Variants in ULK4 observed in about 807,000 individuals in gnomAD.
ULK4 encodes unc-51 like kinase 4.
A neutral mutation model predicts 160.6 loss-of-function variants in ULK4; 133 were observed. That is an observed-to-expected ratio of 0.83 (90% CI 0.72 to 0.96). The LOEUF (loss-of-function observed/expected upper bound fraction) is 0.96. ULK4 is among the 40% of genes least tolerant of loss of function. The probability of loss-of-function intolerance (pLI) is 0.00; values close to 1 mark genes in which losing one functional copy is unlikely to be tolerated. For synonymous variants in ULK4, 534 were observed against 539.8 expected, an observed-to-expected ratio of 0.99 and a Z score of 0.15; for missense variants, 1,580 against 1,499.5, an observed-to-expected ratio of 1.05 and a Z score of -0.89.
chr3:41,502,267 C>A (rs2085237188), intron 32 of ULK4, among the ~76,000 whole-genome samples: 1 of 152,176 alleles, frequency 6.6e-6, no homozygotes, highest in African/African-American at 2.4e-5. Flanking sequence ...TGTTAAGGAA[C>A]CACTATACTG....
At chr3:41,607,822 A>C (rs2032451409) in intron 31 of ULK4, among the ~76,000 whole-genome samples, 1 of 152,236 alleles carries the variant, frequency 6.6e-6, no homozygotes, top group African/African-American at 2.4e-5. Flanking sequence ...CTGCATGCAC[A>C]CTTAGGAACA....
chr3:41,525,914 T>C (rs1012040125), intron 32 of ULK4, among the ~76,000 whole-genome samples: 34 of 152,252 alleles, frequency 2.2e-4, no homozygotes, highest in African/African-American at 8.2e-4. Context: ...TGTCATTTTG[T>C]GTGACTACCT....
intron 35 of ULK4, among the ~76,000 whole-genome samples, chr3:41,339,592 T>G (rs534474637): frequency 2.0e-5 from 3 of 152,286 alleles, no homozygotes; most frequent in East Asian, 1.9e-4. Context: ...TCTCAAAGTC[T>G]GCTTGTGAAG....
intron 31 of ULK4, among the ~76,000 whole-genome samples, chr3:41,589,457 A>C (rs1211965690): frequency 7.1e-6 from 1 of 139,926 alleles, no homozygotes; most frequent in African/African-American, 2.7e-5. Context: ...AAAAATCCTA[A>C]GAAATGAGTT....
chr3:41,342,565 T>G (rs995784918), intron 35 of ULK4, among the ~76,000 whole-genome samples: 6 of 152,176 alleles, frequency 3.9e-5, no homozygotes, highest in Non-Finnish European at 8.8e-5. Context: ...CAGGACCAGA[T>G]AGATTCACAG....
intron 34 of ULK4, among the ~76,000 whole-genome samples, chr3:41,434,719 AT>A (rs1408846801): frequency 2.6e-5 from 4 of 152,204 alleles, no homozygotes; most frequent in Admixed American, 2.6e-4. Context: ...TGACCAATTC[AT>A]TTTTCATTTA....
At chr3:41,772,221 A>G (rs1339858727) in intron 21 of ULK4, among the ~76,000 whole-genome samples, 4 of 152,232 alleles carry the variant, frequency 2.6e-5, no homozygotes, top group Admixed American at 2.6e-4. Flanking sequence ...CTATGATCAG[A>G]GCAGAACTGA....
chr3:41,252,436 G>T (rs1425598980), intron 35 of ULK4, among the ~76,000 whole-genome samples: 1 of 151,956 alleles, frequency 6.6e-6, no homozygotes, highest in East Asian at 1.9e-4. Context: ...GGAGAATATA[G>T]CAAAGAAGAA....
chr3:41,517,229 G>GT (rs2085780285), intron 32 of ULK4, among the ~76,000 whole-genome samples: 1 of 40,882 alleles, frequency 2.4e-5, no homozygotes, highest in South Asian at 7.1e-4. Flanking sequence ...TCAAATGCTG[G>GT]CAAAAATGTG....
chr3:41,836,222 G>C (rs2041753190), intron 17 of ULK4, among the ~76,000 whole-genome samples: 1 of 151,940 alleles, frequency 6.6e-6, no homozygotes, highest in Non-Finnish European at 1.5e-5. Context: ...ACCCAGGCTG[G>C]AGTGCAGTGG....
At chr3:41,630,428 C>T (rs1407324403) in intron 30 of ULK4, among the ~76,000 whole-genome samples, 2 of 152,086 alleles carry the variant, frequency 1.3e-5, no homozygotes, top group Non-Finnish European at 2.9e-5. Flanking sequence ...CTATGTGGCC[C>T]TCTCCTTCTC....
chr3:41,543,272 T>A (rs771179511), intron 32 of ULK4, among the ~76,000 whole-genome samples: 4 of 152,106 alleles, frequency 2.6e-5, no homozygotes, highest in African/African-American at 9.7e-5. Flanking sequence ...AGTTCACATG[T>A]CATCAAGATT....
At chr3:41,594,474 G>A (rs936974019) in intron 31 of ULK4, among the ~76,000 whole-genome samples, 2 of 152,036 alleles carry the variant, frequency 1.3e-5, no homozygotes, top group African/African-American at 2.4e-5. Flanking sequence ...GGAGTTCAAG[G>A]CAGCAGTGAG....
rs1414679524 is a variant in ULK4 at position 41,377,462 on chromosome 3, A to G, written c.3678+20617T>C. Among the ~76,000 whole-genome samples, 858 of 150,342 alleles carry G rather than the reference A, an allele frequency of 5.7e-3. 9 individuals are homozygous for G. Among genetic ancestry groups the G allele is most frequent in the African/African-American group, 0.02 (796 of 40,506 alleles). On this transcript the variant is annotated intron_variant, in intron 35 of 36. Transcript: ENST00000301831. ...ACCTACAAAATGGGAGAAAATTTTC[A>G]CAACCTACTCATCTGACAAAGGGCT...
At chr3:41,686,927 T>A (rs369811040) in intron 27 of ULK4, among the ~76,000 whole-genome samples, 2 of 152,298 alleles carry the variant, frequency 1.3e-5, no homozygotes, top group African/African-American at 4.8e-5. Context: ...TTTAAAAACA[T>A]CATTCTGAGG....
intron 35 of ULK4, among the ~76,000 whole-genome samples, chr3:41,359,018 G>A (rs1422230147): frequency 6.6e-6 from 1 of 152,188 alleles, no homozygotes; most frequent in Non-Finnish European, 1.5e-5. Context: ...TAAACGGGGT[G>A]GAGTGTGAGA....
intron 1 of ULK4, among the ~76,000 whole-genome samples, chr3:41,956,807 A>G (rs1187405106): frequency 1.3e-5 from 2 of 152,212 alleles, no homozygotes; most frequent in Admixed American, 6.5e-5. Flanking sequence ...ATTCATTTAT[A>G]TATTGCTTAT....
At chr3:41,506,912 T>A (rs1442344977) in intron 32 of ULK4, among the ~76,000 whole-genome samples, 2 of 148,022 alleles carry the variant, frequency 1.4e-5, no homozygotes, top group African/African-American at 5.0e-5. Context: ...TTGGCGGGTA[T>A]CCTGGAGAAA....
chr3:41,433,407 G>A (rs554634107), intron 34 of ULK4, among the ~76,000 whole-genome samples: 31 of 152,274 alleles, frequency 2.0e-4, no homozygotes, highest in African/African-American at 7.5e-4. Context: ...CTTTTAGGGA[G>A]AGCAGTTTGG....
Sources: gnomAD v4.1 joint callset for allele counts (sites outside exome capture counted in the v4.1 genomes callset) on GRCh38, gnomAD v4.1.1 for gene constraint, MANE v1.5 for transcripts, NCBI Gene and HGNC (gene_info 2026-07-23, HGNC 2026-07-21) for gene names.